TMSB15B: variants seen among roughly 807,000 people sequenced by gnomAD.
TMSB15B encodes the protein thymosin beta 15B.
intron 1 of TMSB15B, among the ~76,000 whole-genome samples, chrX:103,920,506 G>A (rs1168725447): frequency 4.5e-5 from 5 of 112,235 alleles, no homozygotes; most frequent in Non-Finnish European, 9.4e-5. Context: ...TTTGTCCATG[G>A]CATATCTGTT....
chrX:103,934,904 A>G (rs2074993442), intron 1 of TMSB15B, among the ~76,000 whole-genome samples: 1 of 112,134 alleles, frequency 8.9e-6, no homozygotes, highest in South Asian at 3.7e-4. Flanking sequence ...TAGATCCTTG[A>G]GGAATCACCA....
intron 1 of TMSB15B, among the ~76,000 whole-genome samples, chrX:103,941,790 C>T (rs1186317870): frequency 2.7e-5 from 3 of 112,099 alleles, no homozygotes; most frequent in African/African-American, 9.7e-5. Flanking sequence ...CTGGCCAACA[C>T]TTGGTATTAT....
At chrX:103,930,071 A>T (rs1454712983) in intron 1 of TMSB15B, among the ~76,000 whole-genome samples, 1 of 110,796 alleles carries the variant, frequency 9.0e-6, no homozygotes, top group Non-Finnish European at 1.9e-5. Flanking sequence ...AAGATCAGAA[A>T]TCTTAGCCTG....
At chrX:103,951,658 G>A (rs2075039486) in intron 1 of TMSB15B, among the ~76,000 whole-genome samples, 1 of 111,251 alleles carries the variant, frequency 9.0e-6, no homozygotes, top group Admixed American at 9.6e-5. Flanking sequence ...TTAGCCAGGG[G>A]TCGTGCTTTT....
intron 1 of TMSB15B, among the ~76,000 whole-genome samples, chrX:103,927,655 G>C (rs1458533999): frequency 1.4e-5 from 1 of 72,115 alleles, no homozygotes; most frequent in African/African-American, 4.9e-5. Context: ...CTGCAAGATA[G>C]TGCCAGGTTT....
At chrX:103,935,956 C>G (rs782547783) in intron 1 of TMSB15B, among the ~76,000 whole-genome samples, 2 of 104,005 alleles carry the variant, frequency 1.9e-5, no homozygotes, top group Non-Finnish European at 3.9e-5. Flanking sequence ...AAGTTATTCT[C>G]CTGCCTCAGC....
chrX:103,922,798 G>A (rs1182056254), intron 1 of TMSB15B, among the ~76,000 whole-genome samples: 4 of 111,895 alleles, frequency 3.6e-5, no homozygotes, highest in Non-Finnish European at 5.6e-5. Flanking sequence ...TTCCACAATG[G>A]TTGAACTAGT....
chrX:103,952,963 G>A (rs2075042546), intron 1 of TMSB15B, among the ~76,000 whole-genome samples: 1 of 112,112 alleles, frequency 8.9e-6, no homozygotes, highest in Admixed American at 9.4e-5. Flanking sequence ...TAGTGTGCAC[G>A]GCTGTCATGG....
chrX:103,926,098 A>T (rs2074967164), intron 1 of TMSB15B, among the ~76,000 whole-genome samples: 1 of 110,683 alleles, frequency 9.0e-6, no homozygotes. Context: ...ACTCCTGCTC[A>T]GTTCTCAGCT....
intron 1 of TMSB15B, among the ~76,000 whole-genome samples, chrX:103,920,802 G>C (rs782428641): frequency 1.8e-5 from 2 of 112,063 alleles, no homozygotes; most frequent in East Asian, 5.6e-4. Context: ...CTCTTCAGGG[G>C]ACTTCTCCTT....
At chrX:103,941,723 C>T (rs2075013137) in intron 1 of TMSB15B, among the ~76,000 whole-genome samples, 1 of 112,140 alleles carries the variant, frequency 8.9e-6, no homozygotes. Flanking sequence ...TTCCTAATGG[C>T]ATGTACCAGT....
chrX:103,933,896 G>T (rs2074990993), intron 1 of TMSB15B, among the ~76,000 whole-genome samples: 1 of 107,206 alleles, frequency 9.3e-6, no homozygotes, highest in African/African-American at 3.4e-5. Context: ...ATGTTTCTGG[G>T]GTACATTTGA....
intron 1 of TMSB15B, among the ~76,000 whole-genome samples, chrX:103,935,349 G>C (rs376507784): frequency 1.8e-5 from 2 of 111,804 alleles, no homozygotes; most frequent in South Asian, 3.7e-4. Flanking sequence ...TAGTTAGTTA[G>C]ATCCCATTTG....
At chrX:103,928,662 C>T (rs2074976175) in intron 1 of TMSB15B, 6 of 1,152,596 alleles carry the variant, frequency 5.2e-6, no homozygotes, top group East Asian at 6.0e-5. Flanking sequence ...GCCTGGGGAG[C>T]ACTCTATATT....
At chrX:103,939,807 G>A (rs1209935670) in intron 1 of TMSB15B, among the ~76,000 whole-genome samples, 1 of 111,596 alleles carries the variant, frequency 9.0e-6, no homozygotes, top group Non-Finnish European at 1.9e-5. Flanking sequence ...TCTACCTTTC[G>A]TCTTTGCTGT....
intron 1 of TMSB15B, among the ~76,000 whole-genome samples, chrX:103,939,979 G>A (rs1353631170): frequency 8.9e-6 from 1 of 111,869 alleles, no homozygotes; most frequent in African/African-American, 3.3e-5. Context: ...GGTATCACTA[G>A]TGGAGGCTGT....
chrX:103,921,039 C>T (rs2074951005), intron 1 of TMSB15B, among the ~76,000 whole-genome samples: 1 of 112,489 alleles, frequency 8.9e-6, no homozygotes, highest in Non-Finnish European at 1.9e-5. Context: ...AGTCTGAAGC[C>T]CTTCCACTGC....
At chrX:103,922,954 C>T (rs1371980115) in intron 1 of TMSB15B, among the ~76,000 whole-genome samples, 2 of 112,347 alleles carry the variant, frequency 1.8e-5, no homozygotes, top group Non-Finnish European at 3.8e-5. Flanking sequence ...TTTCTGATGG[C>T]CAGTGATGAT....
At chrX:103,943,266 A>G (rs782149558) in intron 1 of TMSB15B, among the ~76,000 whole-genome samples, 37 of 111,748 alleles carry the variant, frequency 3.3e-4, no homozygotes, top group Admixed American at 5.7e-4. Context: ...GGTACTTTCA[A>G]CACAAAGGAT....
Sources: gnomAD v4.1 joint callset for allele counts (sites outside exome capture counted in the v4.1 genomes callset) on GRCh38, gnomAD v4.1.1 for gene constraint, MANE v1.5 for transcripts, NCBI Gene and HGNC (gene_info 2026-07-23, HGNC 2026-07-21) for gene names.